Variants in ZFHX3 observed in about 807,000 individuals in gnomAD.
ZFHX3 encodes the protein zinc finger homeobox protein 3.
ZFHX3 carries 42 observed loss-of-function variants against 279.1 expected under a neutral mutation model. That is an observed-to-expected ratio of 0.15 (90% confidence interval 0.12 to 0.19). ZFHX3 has a LOEUF of 0.19. Ranked by LOEUF, ZFHX3 falls within the 10% of genes least tolerant of loss-of-function variation. The pLI, the probability that ZFHX3 is intolerant of heterozygous loss-of-function variation, is 1.00. For missense variants in ZFHX3, 4,981 were observed against 4,754.0 expected (o/e 1.05, Z -1.40); for synonymous variants, 2,293 against 1,957.8 (o/e 1.17, Z -4.52).
chr16:73,840,996 A>G (rs779815110), intron 1 of ZFHX3, among the ~76,000 whole-genome samples: 3 of 152,214 alleles, frequency 2.0e-5, no homozygotes, highest in Non-Finnish European at 4.4e-5. Flanking sequence ...GCAATAGGAA[A>G]GCAGGTGGTG....
chr16:73,851,589 G>T (rs1230688498), intron 1 of ZFHX3, among the ~76,000 whole-genome samples: 1 of 152,078 alleles, frequency 6.6e-6, no homozygotes, highest in South Asian at 2.1e-4. Context: ...CGTGGTATTT[G>T]GTACATATAA....
chr16:73,787,545 G>T (rs1567410527), intron 1 of ZFHX3, among the ~76,000 whole-genome samples: 1 of 152,048 alleles, frequency 6.6e-6, no homozygotes, highest in Non-Finnish European at 1.5e-5. Flanking sequence ...TAACAATTTG[G>T]GTGAGACCTG....
intron 3 of ZFHX3, among the ~76,000 whole-genome samples, chr16:73,358,972 C>A (rs2143306792): frequency 6.6e-6 from 1 of 152,238 alleles, no homozygotes; most frequent in East Asian, 1.9e-4. Flanking sequence ...TCAAACAGTA[C>A]CTGGTCCATA....
chr16:73,805,196 C>T (rs1194169118), intron 1 of ZFHX3, among the ~76,000 whole-genome samples: 1 of 151,862 alleles, frequency 6.6e-6, no homozygotes, highest in Non-Finnish European at 1.5e-5. Flanking sequence ...GAGATGGAGT[C>T]TCATTCTTGT....
intron 2 of ZFHX3, among the ~76,000 whole-genome samples, chr16:73,524,117 G>C (rs1448194625): frequency 1.3e-5 from 2 of 152,174 alleles, no homozygotes; most frequent in Non-Finnish European, 2.9e-5. Context: ...GATTTAAATA[G>C]AGTAATTTCT....
In ZFHX3 at chr16:73,579,873, T is replaced by C. The variant is rs867705468; in HGVS notation, c.-1547+100307A>G. On this transcript the variant is annotated intron_variant, in intron 2 of 17. Transcript: ENST00000641206. ...TACAGATTATATATATATATATATA[T>C]ACATACACACACATATAATGTATTA... 6.2e-5 allele frequency among the ~76,000 whole-genome samples: 9 copies of C among 145,428 alleles called. 1 individual carries two copies. The highest frequency in any genetic ancestry group is 3.9e-4 in the East Asian group (2 of 5,114).
At position 73,730,352 on chromosome 16, in the gene ZFHX3, CAAAA is replaced by C. The variant is rs66477968; in HGVS notation, c.-1607-50116_-1607-50113del. ...ACCCTTGAATAACACCCTCCCCTCG[CAAAA>C]AAAAAAAAAAAAAAAAAAAGAAAAA... On this transcript the variant is annotated intron_variant, in intron 1 of 17. Transcript: ENST00000641206. 9.1e-3 allele frequency among the ~76,000 whole-genome samples: 740 copies of C among 81,088 alleles called. 3 individuals carry two copies. The highest frequency in any genetic ancestry group is 0.035 in the African/African-American group (678 of 19,410). The allele number at this position is 81,088 out of a possible 152,430, so 53.2% of individuals were successfully genotyped here.
chr16:73,184,494 C>A (rs74367167), intron 5 of ZFHX3, among the ~76,000 whole-genome samples: 1 of 152,118 alleles, frequency 6.6e-6, no homozygotes, highest in Non-Finnish European at 1.5e-5. Flanking sequence ...AGGTGCTCTG[C>A]CACTGCCCAA....
chr16:73,818,526 G>A (rs116049665), intron 1 of ZFHX3, among the ~76,000 whole-genome samples: 152 of 152,222 alleles, frequency 1.0e-3, no homozygotes, highest in African/African-American at 3.4e-3. Flanking sequence ...CCTAGGAAAG[G>A]GTCAGCAGGG....
At chr16:73,157,143 G>A (rs1342611152) in intron 5 of ZFHX3, among the ~76,000 whole-genome samples, 1 of 152,210 alleles carries the variant, frequency 6.6e-6, no homozygotes, top group African/African-American at 2.4e-5. Context: ...GGGAGGACAA[G>A]TCATGAATGT....
chr16:73,095,498 T>A (rs1966149553), intron 7 of ZFHX3, among the ~76,000 whole-genome samples: 1 of 152,256 alleles, frequency 6.6e-6, no homozygotes, highest in Non-Finnish European at 1.5e-5. Flanking sequence ...ACAACTGGCA[T>A]GTTGCCCACA....
chr16:73,056,405 G>GT (rs892741876), intron 1 of ZFHX3, among the ~76,000 whole-genome samples: 12 of 151,622 alleles, frequency 7.9e-5, no homozygotes, highest in Admixed American at 7.2e-4. Context: ...ACCTAACATT[G>GT]TAAGATAAGA....
chr16:72,867,421 C>G (rs1448693515), intron 4 of ZFHX3, among the ~76,000 whole-genome samples: 1 of 152,118 alleles, frequency 6.6e-6, no homozygotes, highest in East Asian at 1.9e-4. Context: ...AAGTGTGTCC[C>G]CTTCTATCTG....
At chr16:73,589,925 CTA>C (rs2051976837) in intron 2 of ZFHX3, among the ~76,000 whole-genome samples, 1 of 151,984 alleles carries the variant, frequency 6.6e-6, no homozygotes, top group African/African-American at 2.4e-5. Context: ...CAGAGAAGAA[CTA>C]TTCAAAGTGT....
intron 8 of ZFHX3, among the ~76,000 whole-genome samples, chr16:73,074,633 G>A (rs1012141202): frequency 2.0e-5 from 3 of 149,092 alleles, no homozygotes; most frequent in Admixed American, 2.0e-4. Context: ...ACACTAAACT[G>A]CAGATGCCGA....
At chr16:73,314,966 G>A (rs1178311119) in intron 4 of ZFHX3, among the ~76,000 whole-genome samples, 1 of 152,136 alleles carries the variant, frequency 6.6e-6, no homozygotes, top group Non-Finnish European at 1.5e-5. Context: ...GATGGCTCAC[G>A]CCTGTAATTC....
At position 73,088,537 on chromosome 16, in the gene ZFHX3, A is replaced by G. The variant is rs1028517488; in HGVS notation, c.-533+4698T>C. On this transcript the variant is annotated intron_variant, in intron 8 of 17. Coordinates refer to the ZFHX3 transcript ENST00000641206. Reference sequence around the variant, plus strand: ...ATAAGAAACCACCTAAATGAATTCTATCTGCATGTCGATTCTAGGTATGGA... The same window carrying G: ...ATAAGAAACCACCTAAATGAATTCTGTCTGCATGTCGATTCTAGGTATGGA... Among the ~76,000 whole-genome samples the G allele has an allele frequency of 3.3e-5, 5 of 152,198 alleles. No homozygotes were observed. In the East Asian group the frequency reaches 7.7e-4, roughly 23 times the overall value.
chr16:73,165,214 T>C (rs1967331410), intron 5 of ZFHX3, among the ~76,000 whole-genome samples: 1 of 152,146 alleles, frequency 6.6e-6, no homozygotes, highest in African/African-American at 2.4e-5. Flanking sequence ...AGGTCCAAGC[T>C]GGAATTACCC....
intron 1 of ZFHX3, among the ~76,000 whole-genome samples, chr16:73,797,500 C>T (rs1960028058): frequency 6.6e-6 from 1 of 152,168 alleles, no homozygotes; most frequent in Admixed American, 6.5e-5. Context: ...AAAGCCAGTT[C>T]CGCAGAGGTT....
Sources: gnomAD v4.1 joint callset for allele counts (sites outside exome capture counted in the v4.1 genomes callset) on GRCh38, gnomAD v4.1.1 for gene constraint, MANE v1.5 for transcripts, NCBI Gene and HGNC (gene_info 2026-07-23, HGNC 2026-07-21) for gene names.